The following ZMYM6 variants were observed in gnomAD, a reference collection of about 807,000 sequenced individuals.
The protein encoded by ZMYM6 is zinc finger MYM-type protein 6.
A neutral mutation model predicts 134.0 loss-of-function variants in ZMYM6; 90 were observed. The ratio of observed to expected loss-of-function variants is 0.67; its 90% CI spans 0.57 to 0.80. The LOEUF is 0.80. ZMYM6 is among the 30% of genes least tolerant of loss of function. The pLI, the probability that ZMYM6 is intolerant of heterozygous loss-of-function variation, is 0.00. For synonymous variants in ZMYM6, 481 were observed against 524.1 expected, an observed-to-expected ratio of 0.92 and a Z score of 1.12; for missense variants, 1,362 against 1,533.9, an observed-to-expected ratio of 0.89 and a Z score of 1.87.
intron 7 of ZMYM6, among the ~76,000 whole-genome samples, 161 bp downstream of exon 7, chr1:35,012,270 G>A (rs1318552617): frequency 1.3e-5 from 2 of 151,830 alleles, no homozygotes; most frequent in South Asian, 2.1e-4. Flanking sequence ...AGAAAATCGG[G>A]GAAAAACTAT....
At chr1:35,030,800 G>T in intron 1 of ZMYM6, 87 bp from the exon 2 acceptor site, 1 of 651,782 alleles carries the variant, frequency 1.5e-6, no homozygotes, top group Non-Finnish European at 2.5e-6. Context: ...GAGGCTTCAC[G>T]GCTCGGCATT....
chr1:35,013,552 A>T (rs1427184150), intron 6 of ZMYM6: 36 of 985,354 alleles, frequency 3.7e-5, no homozygotes, highest in Admixed American at 3.1e-4. Flanking sequence ...AAAAATGGCA[A>T]ATCTTAAAAA....
In ZMYM6 at chr1:35,007,109, A is replaced by G; in HGVS notation, c.1666-11T>C. On this transcript the variant is annotated splice_polypyrimidine_tract_variant and intron_variant, in intron 11 of 15. Transcript: ENST00000357182. ...ATCACACTTGGCCATCTGAAAAAGA[A>G]ATGTTAGACAAGATAGGCTTAAAAC... is the stretch of plus-strand genomic sequence containing the variant. 1 of 1,588,168 alleles carries G rather than the reference A, an allele frequency of 6.3e-7. No homozygotes were observed. Among genetic ancestry groups the G allele is most frequent in the Non-Finnish European group, 8.5e-7 (1 of 1,170,270 alleles).
chr1:35,024,676 C>G (rs186462616), intron 2 of ZMYM6, among the ~76,000 whole-genome samples: 2 of 152,248 alleles, frequency 1.3e-5, no homozygotes, highest in East Asian at 3.9e-4. Flanking sequence ...ACACCACATT[C>G]TCTCACCCCT....
At position 35,020,384 on chromosome 1, in the gene ZMYM6, A is replaced by G; in HGVS notation, c.177T>C (p.Ile59=). The G allele has an allele frequency of 1.2e-6, 2 of 1,603,550 alleles. 1 individual carries two copies. The highest frequency in any genetic ancestry group is 1.7e-6 in the Non-Finnish European group (2 of 1,176,974). The change falls in exon 3 of 16, where the codon ATT becomes ATC. Residue 59 remains isoleucine, a splice_region_variant and synonymous_variant. Coordinates refer to ENST00000357182, the MANE Select transcript of ZMYM6 (RefSeq NM_007167.4). ...AACTTATACAGTTCCATTTCTTACCAATAGGTCTCTCATTAACTGAAGACA... is the reference window on the plus strand; with the variant it reads ...AACTTATACAGTTCCATTTCTTACCGATAGGTCTCTCATTAACTGAAGACA... ...GGVSSVNERP[I]AQQLNPGFQL...
chr1:35,020,187 C>T (rs1641280185), intron 3 of ZMYM6, among the ~76,000 whole-genome samples, 196 bp downstream of exon 3: 1 of 152,078 alleles, frequency 6.6e-6, no homozygotes, highest in African/African-American at 2.4e-5. Flanking sequence ...CAATATGTTT[C>T]CTTACTACAC....
chr1:34,990,581 G>C (rs763163635), intron 15 of ZMYM6, among the ~76,000 whole-genome samples: 4 of 152,084 alleles, frequency 2.6e-5, no homozygotes, highest in Non-Finnish European at 5.9e-5. Flanking sequence ...AGTGGACAAA[G>C]ATCCATTAAC....
intron 14 of ZMYM6, among the ~76,000 whole-genome samples, chr1:34,997,588 A>G (rs555597034): frequency 6.6e-6 from 1 of 152,302 alleles, no homozygotes; most frequent in South Asian, 2.1e-4. Context: ...TACAGGCATG[A>G]GCCACCGCAC....
chr1:35,014,577 G>A, intron 6 of ZMYM6, 120 bp downstream of exon 6: 1 of 981,228 alleles, frequency 1.0e-6, no homozygotes, highest in Non-Finnish European at 1.5e-6. Flanking sequence ...TTTTCTGGAA[G>A]GGAAATCACA....
chr1:35,004,981 C>A lies in ZMYM6; in HGVS notation c.1954+151G>T, dbSNP rs562458600. On this transcript the variant is annotated intron_variant, in intron 13 of 15. Coordinates refer to ENST00000357182, the MANE Select transcript of ZMYM6 (RefSeq NM_007167.4). ...GCTGAGGCAGGAGAATTGCTTGAAC[C>A]CAGGAGGCGGTGGTTGCAGTGAGTT... 2.9e-5 allele frequency: 23 copies of A among 804,240 alleles called. No individual in the cohort carries two copies. The African/African-American group carries it at 3.5e-4, about 12-fold the overall frequency. 49.8% of individuals were successfully genotyped at this position (804,240 alleles called of 1,614,324 possible). A position where few individuals can be genotyped will look rare whatever the true frequency, so the allele number is the denominator to read the frequency against.
chr1:35,015,208 C>T (rs1641159896), intron 4 of ZMYM6, 46 bp from the exon 5 acceptor site: 2 of 1,486,168 alleles, frequency 1.3e-6, no homozygotes, highest in South Asian at 2.6e-5. Flanking sequence ...TTCTTCACAA[C>T]TGTAACTTCC....
intron 14 of ZMYM6, among the ~76,000 whole-genome samples, chr1:34,997,143 C>T (rs1640798694): frequency 6.6e-6 from 1 of 152,172 alleles, no homozygotes; most frequent in Admixed American, 6.5e-5. Flanking sequence ...AATAAGAATA[C>T]CTTAGCAGTG....
At chr1:35,009,671 G>A (rs1264299273) in intron 10 of ZMYM6, among the ~76,000 whole-genome samples, 2 of 151,982 alleles carry the variant, frequency 1.3e-5, no homozygotes, top group Non-Finnish European at 2.9e-5. Flanking sequence ...AGTCGCTCAC[G>A]CCTATAATCC....
intron 4 of ZMYM6, among the ~76,000 whole-genome samples, chr1:35,016,026 C>A (rs1386082070): frequency 2.7e-5 from 4 of 149,212 alleles, no homozygotes; most frequent in African/African-American, 9.8e-5. Flanking sequence ...CGGCTCACTG[C>A]AATCTCCACC....
chr1:35,027,577 C>T (rs551598329), intron 2 of ZMYM6, among the ~76,000 whole-genome samples: 32 of 151,820 alleles, frequency 2.1e-4, no homozygotes, highest in Non-Finnish European at 4.3e-4. Context: ...AAGGAGACCC[C>T]GTCTCTACAA....
At chr1:34,990,207 G>A (rs1038471732) in intron 15 of ZMYM6, 19 of 180,432 alleles carry the variant, frequency 1.1e-4, no homozygotes, top group African/African-American at 2.6e-4. Flanking sequence ...ATAGGCCGGC[G>A]CGGTGGCTCA....
rs1031153722 is a variant in ZMYM6, at chr1:35,011,767, C to A, written c.1062+123G>T. 4.4e-4 allele frequency: 281 copies of A among 638,328 alleles called. 5 individuals are homozygous for A. Among genetic ancestry groups the A allele is most frequent in the Non-Finnish European group, 9.1e-5 (39 of 429,534 alleles). The allele number at this position is 638,328 out of a possible 1,614,324, so 39.5% of individuals were successfully genotyped here. ...GACCTGGTTGGGCCCCTGGATGAAACAAATTTTTTTCTTTTTAATTCAAAT... is the reference window on the plus strand; with the variant it reads ...GACCTGGTTGGGCCCCTGGATGAAAAAAATTTTTTTCTTTTTAATTCAAAT... On this transcript the variant is annotated intron_variant, in intron 8 of 15. Coordinates refer to ENST00000357182, the MANE Select transcript of ZMYM6 (RefSeq NM_007167.4).
In ZMYM6 at chr1:35,020,482, A is replaced by G. The variant is rs567649092; in HGVS notation, c.94-15T>C. On this transcript the variant is annotated splice_polypyrimidine_tract_variant and intron_variant, in intron 2 of 15. Coordinates refer to ENST00000357182, the MANE Select transcript of ZMYM6 (RefSeq NM_007167.4). ...CATCCATACTCCTTTAAAAAAAAAAAGAAAAGAGAAAAGAGCAATGAATAC... is the reference window on the plus strand; with the variant it reads ...CATCCATACTCCTTTAAAAAAAAAAGGAAAAGAGAAAAGAGCAATGAATAC... The G allele has an allele frequency of 2.6e-6, 4 of 1,546,122 alleles. No homozygotes were observed. The highest frequency in any genetic ancestry group is 3.5e-6 in the Non-Finnish European group (4 of 1,148,342).
At chr1:35,019,808 G>A (rs1298749041) in intron 3 of ZMYM6, among the ~76,000 whole-genome samples, 1 of 152,042 alleles carries the variant, frequency 6.6e-6, no homozygotes, top group Non-Finnish European at 1.5e-5. Flanking sequence ...GAGTAGCTAG[G>A]ACTACAGGCA....
Sources: gnomAD v4.1 joint callset for allele counts (sites outside exome capture counted in the v4.1 genomes callset) on GRCh38, gnomAD v4.1.1 for gene constraint, MANE v1.5 for transcripts, NCBI Gene and HGNC (gene_info 2026-07-23, HGNC 2026-07-21) for gene names.